LRRC69: variants seen among roughly 807,000 people sequenced by gnomAD.
The protein encoded by LRRC69 is leucine-rich repeat-containing protein 69.
In LRRC69, 42 loss-of-function variants were observed where a neutral mutation model predicts 37.8. That is an observed-to-expected ratio of 1.11 (90% CI 0.87 to 1.44). The LOEUF (loss-of-function observed/expected upper bound fraction) is 1.44. Ranked by LOEUF, LRRC69 falls within the 40% of genes most tolerant of loss-of-function variation. LRRC69 has a pLI of 0.00. For synonymous variants in LRRC69, 141 were observed against 143.1 expected (o/e 0.99, Z 0.11); for missense variants, 357 against 401.9 (o/e 0.89, Z 0.96).
At chr8:91,109,472 C>T (rs1475374063) in intron 1 of LRRC69, among the ~76,000 whole-genome samples, 1 of 152,046 alleles carries the variant, frequency 6.6e-6, no homozygotes, top group Non-Finnish European at 1.5e-5. Context: ...CTTCCAAACA[C>T]TTAAGATTTT....
intron 1 of LRRC69, among the ~76,000 whole-genome samples, chr8:91,105,079 A>AAT (rs1382198681): frequency 6.6e-6 from 1 of 151,928 alleles, no homozygotes; most frequent in African/African-American, 2.4e-5. Context: ...GCTTACTTTT[A>AAT]AAGAAGAAAT....
At chr8:91,176,132 A>ATTTT (rs1331458493) in intron 5 of LRRC69, among the ~76,000 whole-genome samples, 1,462 of 15,112 alleles carry the variant, frequency 0.097, 47 homozygotes, top group African/African-American at 0.27. Context: ...ATATATATAT[A>ATTTT]TATTTTTTTT....
chr8:91,166,881 A>G (rs1314885365), intron 5 of LRRC69, among the ~76,000 whole-genome samples: 7 of 151,904 alleles, frequency 4.6e-5, no homozygotes, highest in Non-Finnish European at 5.9e-5. Context: ...TATTTAACAA[A>G]GGTTCTGCCC....
At chr8:91,176,134 A>ATATATATATATATATATTTT in intron 5 of LRRC69, among the ~76,000 whole-genome samples, 3 of 75,710 alleles carry the variant, frequency 4.0e-5, no homozygotes, top group African/African-American at 1.8e-4. Flanking sequence ...ATATATATAT[A>ATATATATATATATATATTTT]TTTTTTTTTT....
intron 5 of LRRC69, among the ~76,000 whole-genome samples, chr8:91,179,507 A>G (rs1295608284): frequency 6.6e-6 from 1 of 152,198 alleles, no homozygotes; most frequent in Non-Finnish European, 1.5e-5. Flanking sequence ...ACAATTCTAC[A>G]TGAGATTGGG....
At chr8:91,116,539 C>T (rs937116662) in intron 1 of LRRC69, among the ~76,000 whole-genome samples, 6 of 150,526 alleles carry the variant, frequency 4.0e-5, no homozygotes, top group Admixed American at 6.6e-5. Flanking sequence ...TGTCTGTATA[C>T]ATATATATAT....
intron 7 of LRRC69, among the ~76,000 whole-genome samples, chr8:91,202,233 CACA>C (rs201313103): frequency 0.032 from 4,807 of 151,672 alleles, 239 homozygotes; most frequent in African/African-American, 0.11. Flanking sequence ...AAAACAAAAA[CACA>C]ACAAACAAAC....
intron 2 of LRRC69, among the ~76,000 whole-genome samples, chr8:91,125,394 T>A (rs1813699720): frequency 6.6e-6 from 1 of 151,902 alleles, no homozygotes; most frequent in Admixed American, 6.6e-5. Flanking sequence ...GGGGTTATAT[T>A]TGGCAAATAG....
At chr8:91,195,502 G>C (rs373661775) in intron 6 of LRRC69, among the ~76,000 whole-genome samples, 1 of 151,228 alleles carries the variant, frequency 6.6e-6, no homozygotes, top group East Asian at 1.9e-4. Flanking sequence ...GGTCACTCAG[G>C]ACTTGCTTTA....
intron 5 of LRRC69, chr8:91,158,486 CT>C (rs1808879995): frequency 1.7e-6 from 2 of 1,153,754 alleles, no homozygotes; most frequent in African/African-American, 3.0e-5. Flanking sequence ...CCCACAAGGC[CT>C]CACAATGCAC....
At chr8:91,111,339 C>A (rs1813407232) in intron 1 of LRRC69, among the ~76,000 whole-genome samples, 1 of 151,874 alleles carries the variant, frequency 6.6e-6, no homozygotes, top group African/African-American at 2.4e-5. Flanking sequence ...TCAAGACCAG[C>A]CTGGCCAAGA....
chr8:91,196,130 C>G (rs892052613), intron 6 of LRRC69, among the ~76,000 whole-genome samples: 2 of 151,620 alleles, frequency 1.3e-5, no homozygotes, highest in Non-Finnish European at 3.0e-5. Context: ...ATATGAAATT[C>G]TGGGTTGAAA....
At chr8:91,172,729 G>C (rs1462136257) in intron 5 of LRRC69, among the ~76,000 whole-genome samples, 2 of 151,784 alleles carry the variant, frequency 1.3e-5, no homozygotes, top group African/African-American at 4.8e-5. Flanking sequence ...TGCTCAGGCT[G>C]GTCTCGAATT....
chr8:91,140,288 C>T (rs2130527344), intron 5 of LRRC69, among the ~76,000 whole-genome samples: 2 of 151,978 alleles, frequency 1.3e-5, no homozygotes, highest in Non-Finnish European at 2.9e-5. Context: ...CTGTCTGAGA[C>T]ATACCAAATT....
chr8:91,106,882 T>C (rs1026578445), intron 1 of LRRC69, among the ~76,000 whole-genome samples: 2 of 151,796 alleles, frequency 1.3e-5, no homozygotes, highest in Non-Finnish European at 2.9e-5. Context: ...AGGCTCGAAC[T>C]CCTGTGCTCA....
intron 5 of LRRC69, among the ~76,000 whole-genome samples, chr8:91,140,427 GTAAA>G (rs1427732153): frequency 6.6e-6 from 1 of 151,820 alleles, no homozygotes; most frequent in Non-Finnish European, 1.5e-5. Flanking sequence ...TAGAAAATAA[GTAAA>G]TAAGTATAGA....
chr8:91,158,684 T>G lies in LRRC69; in HGVS notation c.651+22945T>G, dbSNP rs1317163567. ...TTTGGTTACTCCACTGCCATGTGAC[T>G]GACCACATTCATGCTGGAATGGAAA... is the stretch of plus-strand genomic sequence containing the variant. On this transcript the variant is annotated intron_variant, in intron 5 of 7. Transcript: ENST00000448384. 1.2e-5 allele frequency: 15 copies of G among 1,202,574 alleles called. No homozygotes were observed. In the Admixed American group the frequency reaches 1.5e-4, roughly 12 times the overall value. The allele number at this position is 1,202,574 out of a possible 1,614,324, so 74.5% of individuals were successfully genotyped here. A position where few individuals can be genotyped will look rare whatever the true frequency, so the allele number is the denominator to read the frequency against.
intron 5 of LRRC69, among the ~76,000 whole-genome samples, chr8:91,173,173 G>C (rs1344825879): frequency 6.6e-6 from 1 of 151,982 alleles, no homozygotes; most frequent in East Asian, 1.9e-4. Flanking sequence ...CTATGGGGTA[G>C]AGTAGGTAGT....
At chr8:91,110,633 C>G (rs1218982526) in intron 1 of LRRC69, among the ~76,000 whole-genome samples, 2 of 151,978 alleles carry the variant, frequency 1.3e-5, no homozygotes, top group Non-Finnish European at 2.9e-5. Flanking sequence ...GAGCAAAACT[C>G]TGTCTCAAAT....
Sources: gnomAD v4.1 joint callset for allele counts (sites outside exome capture counted in the v4.1 genomes callset) on GRCh38, gnomAD v4.1.1 for gene constraint, MANE v1.5 for transcripts, NCBI Gene and HGNC (gene_info 2026-07-23, HGNC 2026-07-21) for gene names.